TMCO5A: variants seen among roughly 807,000 people sequenced by gnomAD.
TMCO5A encodes transmembrane and coiled-coil domain-containing protein 5A.
Under a neutral mutation model 42.3 loss-of-function variants are expected in TMCO5A, and 34 were observed. The observed-to-expected ratio is 0.80, with a 90% CI of 0.61 to 1.07. The LOEUF (loss-of-function observed/expected upper bound fraction) is 1.07. Ranked by LOEUF, TMCO5A falls within the 50% of genes least tolerant of loss-of-function variation. The pLI is 0.00. For missense variants in TMCO5A, 357 were observed against 327.9 expected (o/e 1.09, Z -0.69); for synonymous variants, 131 against 115.6 (o/e 1.13, Z -0.86).
chr15:37,954,663 ATTGTAACT>A (rs1890239886), downstream of TMCO5A, among the ~76,000 whole-genome samples: 1 of 152,124 alleles, frequency 6.6e-6, no homozygotes, highest in African/African-American at 2.4e-5. Flanking sequence ...ACATTATAAC[ATTGTAACT>A]GTGGTATGTA....
intron 11 of TMCO5A, among the ~76,000 whole-genome samples, chr15:37,962,887 T>G (rs1321257800): frequency 6.6e-6 from 1 of 152,152 alleles, no homozygotes; most frequent in Admixed American, 6.6e-5. Flanking sequence ...AGTTGTAATA[T>G]CTCCTGTTTC....
intron 11 of TMCO5A, among the ~76,000 whole-genome samples, chr15:37,959,216 G>A (rs1890364192): frequency 6.6e-6 from 1 of 152,002 alleles, no homozygotes; most frequent in Non-Finnish European, 1.5e-5. Flanking sequence ...GTATACGTAT[G>A]TAATAAACCT....
rs927616156 is a variant in TMCO5A, at chr15:37,958,071, C to A, written c.669-8554C>A. On this transcript the variant is annotated intron_variant, in intron 11 of 11. Coordinates refer to the TMCO5A transcript ENST00000559502. ...GCTGAAACTGGATCCCTTCCTTACACCTTATACAAAAATTAACTCAAGATG... is the reference window on the plus strand; with the variant it reads ...GCTGAAACTGGATCCCTTCCTTACAACTTATACAAAAATTAACTCAAGATG... 2.6e-5 allele frequency among the ~76,000 whole-genome samples: 4 copies of A among 152,232 alleles called. No homozygotes were observed. The East Asian group carries it at 5.8e-4, about 22-fold the overall frequency.
intron 11 of TMCO5A, 47 bp downstream of exon 11, chr15:37,947,743 T>A: frequency 7.6e-7 from 1 of 1,310,824 alleles, no homozygotes; most frequent in Non-Finnish European, 1.1e-6. Flanking sequence ...TTGGGAGCCC[T>A]ATTTAGCTAT....
At chr15:37,976,406 T>C in the TMCO5A span, among the ~76,000 whole-genome samples, 2 of 152,110 alleles carry the variant, frequency 1.3e-5, no homozygotes, top group Non-Finnish European at 2.9e-5. Flanking sequence ...TCTTGTACAG[T>C]ATGTCACAGG....
chr15:37,968,161 G>A (rs1215316235), downstream of TMCO5A, among the ~76,000 whole-genome samples: 1 of 152,124 alleles, frequency 6.6e-6, no homozygotes, highest in Non-Finnish European at 1.5e-5. Context: ...GACTCAAGGT[G>A]CACTTCTTCT....
At chr15:37,966,915 T>C (rs1890572308) in exon 12 of TMCO5A, 3 of 486,564 alleles carry the variant, frequency 6.2e-6, no homozygotes, top group Non-Finnish European at 1.1e-5. Flanking sequence ...ACCTAAACTA[T>C]ATGAAATGCA....
the TMCO5A span, among the ~76,000 whole-genome samples, chr15:38,035,382 T>G: frequency 6.6e-6 from 1 of 152,234 alleles, no homozygotes; most frequent in Non-Finnish European, 1.5e-5. Context: ...GCAGAGATCC[T>G]GGACACTGCA....
the TMCO5A span, among the ~76,000 whole-genome samples, chr15:38,036,965 T>C: frequency 6.6e-6 from 1 of 152,306 alleles, no homozygotes; most frequent in East Asian, 1.9e-4. Flanking sequence ...AACTGGGGTA[T>C]GTACCTCCTA....
At chr15:38,019,659 G>C in the TMCO5A span, among the ~76,000 whole-genome samples, 2 of 152,122 alleles carry the variant, frequency 1.3e-5, no homozygotes, top group South Asian at 4.1e-4. Context: ...TCAGGCTGGA[G>C]TGCAGTGGTA....
chr15:37,938,416 T>C (rs905713025), intron 6 of TMCO5A, among the ~76,000 whole-genome samples, 187 bp downstream of exon 6: 3 of 152,094 alleles, frequency 2.0e-5, no homozygotes, highest in Non-Finnish European at 4.4e-5. Context: ...CTTTTTAGTC[T>C]TATTTATTGT....
chr15:37,993,173 A>C, the TMCO5A span, among the ~76,000 whole-genome samples: 6 of 151,538 alleles, frequency 4.0e-5, no homozygotes, highest in African/African-American at 1.5e-4. Context: ...CATCTTTATG[A>C]GAGTTGCTTT....
downstream of TMCO5A, among the ~76,000 whole-genome samples, chr15:37,969,594 G>T (rs961614824): frequency 2.0e-5 from 3 of 152,100 alleles, no homozygotes; most frequent in African/African-American, 7.2e-5. Context: ...ACATGTGCTT[G>T]TTTGCTATAT....
At chr15:37,935,795 AG>A (rs1341792786) in intron 2 of TMCO5A, among the ~76,000 whole-genome samples, 1 of 152,120 alleles carries the variant, frequency 6.6e-6, no homozygotes, top group Admixed American at 6.6e-5. Context: ...CAAACTTTGT[AG>A]CAGGCAAGTG....
chr15:38,022,088 G>A, the TMCO5A span, among the ~76,000 whole-genome samples: 1 of 152,120 alleles, frequency 6.6e-6, no homozygotes, highest in African/African-American at 2.4e-5. Flanking sequence ...GGGATTACAG[G>A]CGTGAGCCAT....
At chr15:37,999,578 T>C in the TMCO5A span, among the ~76,000 whole-genome samples, 52 of 152,210 alleles carry the variant, frequency 3.4e-4, no homozygotes, top group Non-Finnish European at 7.3e-5. Context: ...TGAATAACAA[T>C]AGTGAAAGTG....
intron 7 of TMCO5A, 125 bp from the exon 8 acceptor site, chr15:37,941,546 A>T: frequency 1.3e-6 from 1 of 780,796 alleles, no homozygotes; most frequent in Non-Finnish European, 2.1e-6. Context: ...ACAGCAAAAA[A>T]GAAAACATAT....
At chr15:38,037,850 T>G in the TMCO5A span, among the ~76,000 whole-genome samples, 2 of 151,996 alleles carry the variant, frequency 1.3e-5, no homozygotes, top group African/African-American at 4.8e-5. Flanking sequence ...CCATCTCTAC[T>G]AAAAATACAA....
In TMCO5A at chr15:37,963,273, G is replaced by A. The variant is rs116180826; in HGVS notation, c.669-3352G>A. ...TGTCATTATTGTCCTTCAGTTAGAA[G>A]AATTTTTTAATTTCCATCTTCATTT... On this transcript the variant is annotated intron_variant, in intron 11 of 11. Transcript: ENST00000559502. Among the ~76,000 whole-genome samples, 1,456 of 152,100 alleles carry A rather than the reference G, an allele frequency of 9.6e-3. 31 individuals are homozygous for A. The highest frequency in any genetic ancestry group is 0.033 in the African/African-American group (1,389 of 41,510).
Sources: gnomAD v4.1 joint callset for allele counts (sites outside exome capture counted in the v4.1 genomes callset) on GRCh38, gnomAD v4.1.1 for gene constraint, MANE v1.5 for transcripts, NCBI Gene and HGNC (gene_info 2026-07-23, HGNC 2026-07-21) for gene names.